The following ADGRV1 variants were observed in gnomAD, a reference collection of about 807,000 sequenced individuals.
The protein encoded by ADGRV1 is G-protein coupled receptor 98.
Under a neutral mutation model 596.2 loss-of-function variants are expected in ADGRV1, and 359 were observed. The ratio of observed to expected loss-of-function variants is 0.60; its 90% CI spans 0.55 to 0.66. The LOEUF is 0.66. Ranked by LOEUF, ADGRV1 falls within the 30% of genes least tolerant of loss-of-function variation. The pLI is 0.00. For missense variants in ADGRV1, 7,274 were observed against 7,575.6 expected (o/e 0.96, Z 1.48); for synonymous variants, 2,681 against 2,679.2 (o/e 1.00, Z -0.02).
chr5:90,928,170 C>T (rs1343808180), intron 83 of ADGRV1, among the ~76,000 whole-genome samples: 6 of 152,132 alleles, frequency 3.9e-5, no homozygotes, highest in East Asian at 1.9e-4. Flanking sequence ...TGAATCTGAA[C>T]GTTGGCCTGC....
chr5:90,667,747 A>T (rs1418870967), intron 21 of ADGRV1, among the ~76,000 whole-genome samples: 3 of 152,048 alleles, frequency 2.0e-5, no homozygotes, highest in Non-Finnish European at 4.4e-5. Flanking sequence ...TGGTTTATCT[A>T]CTGTTGGTCT....
Position 90,807,672 on chromosome 5 carries a change from G to T in ADGRV1, c.14907G>T (p.Trp4969Cys). ...VFLWTFPSPG[W>C]PEAFVLHLSG... ...TGTGGACGTTTCCTAGCCCTGGTTG[G>T]CCAGAGGCCTTTGTTCTTCACCTAT... The change falls in exon 73 of 90, where the codon TGG (tryptophan) becomes TGT (cysteine). Residue 4969 changes from tryptophan (W) to cysteine (C), a missense_variant. Trp to Cys is a radical substitution (Grantham distance 215, BLOSUM62 -2). Around this residue, in one of 5 missense-constraint regions of ADGRV1, gnomAD observed 1,874 missense variants for 1,970.2 expected, o/e 0.95. Coordinates refer to ENST00000405460, the MANE Select transcript of ADGRV1 (RefSeq NM_032119.4). The T allele has an allele frequency of 6.2e-7, 1 of 1,612,262 alleles. No homozygotes were observed. The highest frequency in any genetic ancestry group is 8.5e-7 in the Non-Finnish European group (1 of 1,178,628).
chr5:90,654,624 T>G (rs1163617339), intron 20 of ADGRV1: 4 of 152,550 alleles, frequency 2.6e-5, no homozygotes, highest in African/African-American at 9.6e-5. Flanking sequence ...CCCCTCCATC[T>G]TATGATTTTA....
rs199538556 is a variant in ADGRV1, at chr5:91,063,846, C to CTGGTGG, written c.18153-8577_18153-8572dup. The stretch of plus-strand genomic sequence containing the variant: ...GAGATTCAGGAGCTCCATAGGGGAG[C>CTGGTGG]TGGTGGTGGTGGTGGTGGTGGTGGT... On this transcript the variant is annotated intron_variant, in intron 85 of 89. Transcript: ENST00000405460. 3.7e-3 allele frequency among the ~76,000 whole-genome samples: 562 copies of CTGGTGG among 151,144 alleles called. 2 individuals carry two copies. Among genetic ancestry groups the CTGGTGG allele is most frequent in the African/African-American group, 0.013 (523 of 41,164 alleles).
chr5:90,979,993 CG>C (rs748829156), intron 84 of ADGRV1, among the ~76,000 whole-genome samples: 72 of 152,042 alleles, frequency 4.7e-4, no homozygotes, highest in Non-Finnish European at 9.6e-4. Context: ...CTTCCTTTTC[CG>C]TATTTGTATA....
chr5:90,817,296 G>A (rs1201442983), intron 75 of ADGRV1, among the ~76,000 whole-genome samples: 1 of 151,328 alleles, frequency 6.6e-6, no homozygotes, highest in Non-Finnish European at 1.5e-5. Flanking sequence ...TGAGTTCATT[G>A]TAGATTCTGG....
intron 77 of ADGRV1, among the ~76,000 whole-genome samples, chr5:90,839,266 G>A (rs1378309661): frequency 1.3e-5 from 2 of 152,226 alleles, no homozygotes; most frequent in South Asian, 2.1e-4. Context: ...CCAGGCTGGA[G>A]TGCAGTGGCA....
intron 1 of ADGRV1, among the ~76,000 whole-genome samples, chr5:90,569,036 C>T (rs907289748): frequency 2.6e-5 from 4 of 152,032 alleles, no homozygotes; most frequent in African/African-American, 9.7e-5. Context: ...TGGTATCTGG[C>T]AAGGGCTTTT....
chr5:91,144,042 G>A (rs1795328309), intron 87 of ADGRV1, among the ~76,000 whole-genome samples: 1 of 152,176 alleles, frequency 6.6e-6, no homozygotes, highest in African/African-American at 2.4e-5. Flanking sequence ...TGGGAGTGTG[G>A]AGAGGCCAGG....
chr5:90,724,863 A>G lies in ADGRV1; in HGVS notation c.9780A>G (p.Gln3260=), dbSNP rs762765196. 4 of 1,613,208 alleles carry G rather than the reference A, an allele frequency of 2.5e-6. No individual in the cohort carries two copies. Among genetic ancestry groups the G allele is most frequent in the Non-Finnish European group, 3.4e-6 (4 of 1,179,490 alleles). ...RGMDVVFSVF[Q]SFLDESASGW... ...TGGATGTTGTGTTTTCCGTATTTCAAAGTTTTTTGGATGAATCAGCTTCTG... is the reference window on the plus strand; with the variant it reads ...TGGATGTTGTGTTTTCCGTATTTCAGAGTTTTTTGGATGAATCAGCTTCTG... The change falls in exon 46 of 90, where the codon CAA becomes CAG. Residue 3260 remains glutamine (Q), a synonymous_variant. Transcript: ENST00000405460.
In ADGRV1 at chr5:90,681,354, C is replaced by T; in HGVS notation, c.5564C>T (p.Ala1855Val). 1 of 1,613,844 alleles carries T rather than the reference C, an allele frequency of 6.2e-7. No individual in the cohort carries two copies. Among genetic ancestry groups the T allele is most frequent in the South Asian group, 1.1e-5 (1 of 91,080 alleles). ...GVASQILVTI[A>V]ASDHAHGVFE... ...GCTTCCCAAATTCTAGTGACAATTG[C>T]AGCCTCTGACCACGCTCATGGCGTA... The change falls in exon 27 of 90, where the codon GCA (alanine) becomes GTA (valine). Residue 1855 changes from alanine (A) to valine (V), a missense_variant. Physicochemically the swap from Ala to Val is moderately conservative, Grantham distance 64. Transcript: ENST00000405460.
intron 85 of ADGRV1, among the ~76,000 whole-genome samples, chr5:91,052,901 A>G (rs12188068): frequency 6.6e-6 from 1 of 152,062 alleles, no homozygotes. Flanking sequence ...ACATGCTTCT[A>G]TAGTATTCTT....
chr5:90,623,037 G>A (rs1362429508), intron 5 of ADGRV1, among the ~76,000 whole-genome samples: 3 of 152,130 alleles, frequency 2.0e-5, no homozygotes, highest in Admixed American at 1.3e-4. Flanking sequence ...CACTGCACCC[G>A]GCCCTGAAAT....
At chr5:91,111,812 AG>A (rs2126697229) in intron 87 of ADGRV1, among the ~76,000 whole-genome samples, 1 of 152,320 alleles carries the variant, frequency 6.6e-6, no homozygotes, top group East Asian at 1.9e-4. Context: ...TGTCAAATTC[AG>A]TGAAAAAAAA....
Position 91,025,965 on chromosome 5 carries a change from C to T in ADGRV1, c.18152+40443C>T, listed in dbSNP as rs111556078. Reference sequence around the variant, plus strand: ...GCTGAGATAATAACCAAGAAAATGCCGTCTAATAATGACGGTAATACTTAA... The same window carrying T: ...GCTGAGATAATAACCAAGAAAATGCTGTCTAATAATGACGGTAATACTTAA... On this transcript the variant is annotated intron_variant, in intron 85 of 89. Transcript: ENST00000405460. 5.6e-3 allele frequency among the ~76,000 whole-genome samples: 851 copies of T among 152,126 alleles called. 10 individuals are homozygous for T. Among genetic ancestry groups the T allele is most frequent in the Middle Eastern group, 0.02 (6 of 294 alleles).
At position 90,617,811 on chromosome 5, in the gene ADGRV1, G is replaced by T. The variant is rs1226051114; in HGVS notation, c.215G>T (p.Gly72Val). Residue 72 changes from glycine (G) to valine (V), a missense_variant, in exon 3 of 90, where the codon GGA becomes GTA. Gly to Val is a moderately radical substitution (Grantham distance 109). Around this residue, in one of 5 missense-constraint regions of ADGRV1, gnomAD observed 1,715 missense variants for 1,708.8 expected, o/e 1.00. Transcript: ENST00000405460. ...ATATTTTGCATTTGATAGCTGTATG[G>T]AGAGGACGCTGGTGACTTTTTTGAC... ...ANVTAIVSLY[G>V]EDAGDFFDTY... is the part of the protein sequence containing the mutation. 1.9e-6 allele frequency: 3 copies of T among 1,594,380 alleles called. No homozygotes were observed. Among genetic ancestry groups the T allele is most frequent in the Non-Finnish European group, 1.7e-6 (2 of 1,169,402 alleles).
intron 39 of ADGRV1, 77 bp downstream of exon 39, chr5:90,708,986 G>C: frequency 1.0e-6 from 1 of 960,714 alleles, no homozygotes; most frequent in Non-Finnish European, 1.7e-6. Context: ...AATCAGAAGT[G>C]ATCATTGTGC....
At chr5:90,599,961 G>C (rs750165591) in intron 1 of ADGRV1, among the ~76,000 whole-genome samples, 2 of 152,160 alleles carry the variant, frequency 1.3e-5, no homozygotes, top group Non-Finnish European at 2.9e-5. Flanking sequence ...TTGAGGCCCT[G>C]TGGAAAATTG....
chr5:90,602,826 G>A (rs1029079665), intron 1 of ADGRV1, among the ~76,000 whole-genome samples: 4 of 152,222 alleles, frequency 2.6e-5, no homozygotes, highest in Admixed American at 1.3e-4. Context: ...TAATAGACAT[G>A]GTGGTGGCTC....
Sources: gnomAD v4.1 joint callset for allele counts (sites outside exome capture counted in the v4.1 genomes callset) on GRCh38, gnomAD v4.1.1 for gene constraint, gnomAD v4.1.1 regional missense constraint, MANE v1.5 for transcripts, NCBI Gene and HGNC (gene_info 2026-07-23, HGNC 2026-07-21) for gene names.